PARVB: variants seen among roughly 807,000 people sequenced by gnomAD.
The protein encoded by PARVB is parvin beta.
A neutral mutation model predicts 47.0 loss-of-function variants in PARVB; 46 were observed. That is an observed-to-expected ratio of 0.98 (90% CI 0.77 to 1.25). The LOEUF (loss-of-function observed/expected upper bound fraction) is 1.25, where lower values mean the gene tolerates loss of function less well. Among genes scored for constraint, PARVB ranks in the 50% most tolerant of loss-of-function variants. The pLI is 0.00. For missense variants in PARVB, 473 were observed against 471.6 expected (o/e 1.00, Z -0.03); for synonymous variants, 196 against 196.3 (o/e 1.00, Z 0.01).
chr22:44,003,529 C>A (rs555424033), intron 2 of PARVB, among the ~76,000 whole-genome samples: 3 of 152,132 alleles, frequency 2.0e-5, no homozygotes, highest in Non-Finnish European at 4.4e-5. Flanking sequence ...AGATTAAGCC[C>A]TGTTATAATG....
intron 2 of PARVB, among the ~76,000 whole-genome samples, chr22:44,017,001 G>T (rs140871142): frequency 2.6e-5 from 4 of 151,904 alleles, no homozygotes; most frequent in Admixed American, 2.6e-4. Flanking sequence ...TCAGCCTCCC[G>T]AGTAGCTGGG....
chr22:43,999,357 A>G (rs1447887340), exon 1 of PARVB: 1 of 1,609,670 alleles, frequency 6.2e-7, no homozygotes, highest in Admixed American at 1.7e-5. Context: ...CATGTGTTTA[A>G]AGATCACCAA....
At chr22:44,083,345 G>C (rs1473079141) in intron 1 of PARVB, among the ~76,000 whole-genome samples, 1 of 152,196 alleles carries the variant, frequency 6.6e-6, no homozygotes, top group African/African-American at 2.4e-5. Flanking sequence ...AGTTATCCAT[G>C]TGCTGGGTTT....
intron 2 of PARVB, among the ~76,000 whole-genome samples, chr22:44,017,071 C>T (rs574918432): frequency 5.3e-5 from 8 of 152,098 alleles, no homozygotes; most frequent in South Asian, 4.2e-4. Context: ...GATGGGGTTT[C>T]GCCCTGTTGG....
chr22:44,149,854 A>G (rs2053764202), intron 9 of PARVB: 1 of 150,236 alleles, frequency 6.7e-6, no homozygotes, highest in Admixed American at 6.8e-5. Flanking sequence ...CAGAATGGGT[A>G]AGAAATCATA....
intron 3 of PARVB, among the ~76,000 whole-genome samples, chr22:44,116,989 T>G (rs1167676799): frequency 2.0e-5 from 3 of 151,686 alleles, no homozygotes; most frequent in Admixed American, 6.6e-5. Flanking sequence ...TGGACAGAAG[T>G]AGGGTGAGAA....
intron 3 of PARVB, chr22:44,106,637 T>G (rs1293102378): frequency 1.3e-5 from 2 of 152,128 alleles, no homozygotes; most frequent in Admixed American, 1.3e-4. Flanking sequence ...TTTCCAAGGA[T>G]GCCTGCCTGG....
chr22:44,066,225 T>C (rs1459986996), intron 1 of PARVB, among the ~76,000 whole-genome samples: 1 of 152,204 alleles, frequency 6.6e-6, no homozygotes, highest in Non-Finnish European at 1.5e-5. Flanking sequence ...ACTGAGTGCT[T>C]TGTTTTTAGT....
At chr22:44,043,570 G>T (rs1308903674) in intron 1 of PARVB, among the ~76,000 whole-genome samples, 2 of 152,028 alleles carry the variant, frequency 1.3e-5, no homozygotes, top group African/African-American at 4.8e-5. Context: ...GTAGAGACAG[G>T]GTTTCACCAT....
chr22:44,032,309 C>T (rs1380186248), intron 1 of PARVB, among the ~76,000 whole-genome samples: 1 of 152,192 alleles, frequency 6.6e-6, no homozygotes, highest in Non-Finnish European at 1.5e-5. Context: ...GTAACATGAT[C>T]AGCCCTGGGA....
chr22:44,041,985 A>G (rs959087027), intron 1 of PARVB, among the ~76,000 whole-genome samples: 4 of 152,190 alleles, frequency 2.6e-5, no homozygotes, highest in Non-Finnish European at 5.9e-5. Context: ...TCTTATTGCC[A>G]CCACGGCCAC....
chr22:44,022,909 G>C (rs936558505), upstream of PARVB, among the ~76,000 whole-genome samples: 1 of 151,742 alleles, frequency 6.6e-6, no homozygotes, highest in Non-Finnish European at 1.5e-5. Context: ...ACCATGCCCC[G>C]ATAATTTTTG....
intron 8 of PARVB, 42 bp downstream of exon 8, chr22:44,140,185 G>T (rs1486749098): frequency 1.2e-6 from 2 of 1,605,400 alleles, no homozygotes; most frequent in South Asian, 2.2e-5. Flanking sequence ...AGGCATGTTA[G>T]GGCTCCCCCA....
At chr22:44,030,243 C>T (rs2050801461) in intron 1 of PARVB, among the ~76,000 whole-genome samples, 2 of 152,216 alleles carry the variant, frequency 1.3e-5, no homozygotes, top group Admixed American at 1.3e-4. Flanking sequence ...CCACTCAGGA[C>T]AGTTTGAGGG....
chr22:44,066,110 CTAT>C (rs1354343494), intron 1 of PARVB, among the ~76,000 whole-genome samples: 2 of 152,218 alleles, frequency 1.3e-5, no homozygotes, highest in African/African-American at 4.8e-5. Flanking sequence ...CAGCAAACAT[CTAT>C]TGAGCGCCTA....
intron 3 of PARVB, chr22:44,105,935 T>C (rs2052556490): frequency 6.6e-6 from 1 of 152,226 alleles, no homozygotes; most frequent in Non-Finnish European, 1.5e-5. Flanking sequence ...CTCAAGTGAG[T>C]CTCCTGCCTC....
In PARVB at chr22:44,132,811, G is replaced by A. The variant is rs77804686; in HGVS notation, c.518-83G>A. 1.8e-3 allele frequency: 1,487 copies of A among 839,096 alleles called. 16 individuals are homozygous for A. In the African/African-American group the frequency reaches 0.023, roughly 13 times the overall value. 52.0% of individuals were successfully genotyped at this position (839,096 alleles called of 1,614,324 possible). A position where few individuals can be genotyped will look rare whatever the true frequency, so the allele number is the denominator to read the frequency against. On this transcript the variant is annotated intron_variant, in intron 5 of 12. Transcript: ENST00000338758. The stretch of plus-strand genomic sequence containing the variant: ...CTCGCTGGGGTCTCATTTAGATGCT[G>A]TGTCTCTGTTGCCTTCTGCACGTGG...
At position 44,030,401 on chromosome 22, in the gene PARVB, A is replaced by G. The variant is rs1202951259; in HGVS notation, c.112+5950A>G. 2.6e-5 allele frequency among the ~76,000 whole-genome samples: 4 copies of G among 152,302 alleles called. No individual in the cohort carries two copies. The East Asian group carries it at 7.7e-4, about 29-fold the overall frequency. ...GGAGGGGGCTCCTGAGGAGACCCCC[A>G]GGCAGGCTCCCAGTGGCTGAGCAAC... On this transcript the variant is annotated intron_variant, in intron 1 of 12. Transcript: ENST00000338758.
chr22:44,004,454 G>A (rs1351472013), intron 2 of PARVB, among the ~76,000 whole-genome samples: 1 of 152,084 alleles, frequency 6.6e-6, no homozygotes, highest in Non-Finnish European at 1.5e-5. Flanking sequence ...TCTCTCTGTG[G>A]ACAGTGGACC....
Sources: allele counts gnomAD v4.1 joint callset (sites outside exome capture counted in the v4.1 genomes callset), GRCh38; gene constraint gnomAD v4.1.1; transcripts MANE v1.5; gene names NCBI Gene and HGNC (gene_info 2026-07-23, HGNC 2026-07-21).